Variants in MAGI1 observed in about 807,000 individuals in gnomAD.
The protein encoded by MAGI1 is membrane-associated guanylate kinase, WW and PDZ domain-containing protein 1.
In MAGI1, 58 loss-of-function variants were observed where a neutral mutation model predicts 139.9. That is an observed-to-expected ratio of 0.41 (90% confidence interval 0.34 to 0.52). MAGI1 has a LOEUF of 0.52. Ranked by LOEUF, MAGI1 falls within the 20% of genes least tolerant of loss-of-function variation. The pLI is 0.12. For missense variants in MAGI1, 1,874 were observed against 1,901.6 expected (o/e 0.99, Z 0.27); for synonymous variants, 812 against 737.9 (o/e 1.10, Z -1.63).
chr3:65,390,797 A>G (rs923892902), intron 14 of MAGI1, among the ~76,000 whole-genome samples: 2 of 152,256 alleles, frequency 1.3e-5, no homozygotes, highest in Admixed American at 6.5e-5. Context: ...GTTCTGTTGC[A>G]TATCAGATTT....
chr3:65,442,625 T>G (rs1205292785), intron 8 of MAGI1, among the ~76,000 whole-genome samples, 167 bp downstream of exon 8: 5 of 152,202 alleles, frequency 3.3e-5, no homozygotes, highest in African/African-American at 7.2e-5. Context: ...ATTTTCAGAT[T>G]TATTGAATAT....
chr3:65,896,082 C>T (rs1161504995), intron 1 of MAGI1, among the ~76,000 whole-genome samples: 2 of 152,236 alleles, frequency 1.3e-5, no homozygotes, highest in South Asian at 2.1e-4. Flanking sequence ...GCCTGGCTGA[C>T]ATGGGGAAGC....
chr3:65,566,060 C>A (rs1295295200), intron 2 of MAGI1, among the ~76,000 whole-genome samples: 4 of 151,848 alleles, frequency 2.6e-5, no homozygotes, highest in Non-Finnish European at 5.9e-5. Flanking sequence ...TCGAGACCAG[C>A]CTGGCCAATA....
At chr3:65,382,172 A>C (rs1383055257) in intron 15 of MAGI1, 103 bp from the exon 16 acceptor site, 4 of 973,460 alleles carry the variant, frequency 4.1e-6, no homozygotes, top group Middle Eastern at 2.3e-4. Flanking sequence ...TCATGTCTGC[A>C]GGCATGCCGC....
chr3:65,969,533 C>G (rs2064922176), intron 1 of MAGI1, among the ~76,000 whole-genome samples: 1 of 152,172 alleles, frequency 6.6e-6, no homozygotes, highest in East Asian at 1.9e-4. Context: ...TTCCCAAGTG[C>G]TGGGGAAGGA....
rs117344556 is a variant in MAGI1, at chr3:65,650,388, G to A, written c.314-28300C>T. Among the ~76,000 whole-genome samples, 125 of 152,258 alleles carry A rather than the reference G, an allele frequency of 8.2e-4. 1 individual carries two copies. In the East Asian group the frequency reaches 0.015, roughly 19 times the overall value. The stretch of plus-strand genomic sequence containing the variant: ...TGCCCACACAAAAACCTGTGCACAC[G>A]TGTTTTTAGGATAGATGGTTAAACA... On this transcript the variant is annotated intron_variant, in intron 1 of 22. Transcript: ENST00000402939.
rs757359782 is a variant in MAGI1, at chr3:65,430,068, T to A, written c.1619A>T (p.Gln540Leu). ...CACGCTGGCACCAATGGGGATGGAC[T>A]GGAAGATCTTCACAACTTGAGCATG... ...HTHAQVVKIFQSIPIGASVDL... is the reference protein window; with the variant it reads ...HTHAQVVKIFLSIPIGASVDL... Residue 540 changes from glutamine (Q) to leucine (L), a missense_variant, in exon 12 of 23, where the codon CAG becomes CTG. Around this residue, in one of 5 missense-constraint regions of MAGI1, gnomAD observed 86 missense variants for 130.0 expected, o/e 0.66. Coordinates refer to ENST00000402939, the MANE Select transcript of MAGI1 (RefSeq NM_001033057.2). The A allele has an allele frequency of 6.2e-7, 1 of 1,613,840 alleles. No homozygotes were observed.
chr3:65,806,297 T>C (rs2040849642), intron 1 of MAGI1, among the ~76,000 whole-genome samples: 1 of 151,634 alleles, frequency 6.6e-6, no homozygotes, highest in Non-Finnish European at 1.5e-5. Context: ...GGCATGGTAG[T>C]GTGCGCCTGT....
intron 1 of MAGI1, among the ~76,000 whole-genome samples, chr3:65,856,017 T>C (rs2059367752): frequency 6.6e-6 from 1 of 152,120 alleles, no homozygotes; most frequent in Non-Finnish European, 1.5e-5. Flanking sequence ...TTCTTGATGA[T>C]GGATGTATTT....
rs35532734 is a variant in MAGI1, at chr3:65,921,919, G to GACACAC, written c.313+116071_313+116076dup. On this transcript the variant is annotated intron_variant, in intron 1 of 22. Transcript: ENST00000402939. ...AGACCCTATCTCCAACCACACACAC[G>GACACAC]ACACACACACACACACACACACACA... is the stretch of plus-strand genomic sequence containing the variant. Among the ~76,000 whole-genome samples, 1,015 of 140,824 alleles carry GACACAC rather than the reference G, an allele frequency of 7.2e-3. 13 individuals are homozygous for GACACAC. The highest frequency in any genetic ancestry group is 0.019 in the East Asian group (92 of 4,744). The allele number at this position is 140,824 out of a possible 152,430, so 92.4% of individuals were successfully genotyped here. A position where few individuals can be genotyped will look rare whatever the true frequency, so the allele number is the denominator to read the frequency against.
intron 1 of MAGI1, among the ~76,000 whole-genome samples, chr3:65,803,520 G>C (rs1050353652): frequency 8.6e-5 from 13 of 152,026 alleles, no homozygotes; most frequent in African/African-American, 3.1e-4. Context: ...TCCATCATTT[G>C]AGCATGTCAG....
intron 1 of MAGI1, among the ~76,000 whole-genome samples, chr3:65,769,940 G>A (rs933044155): frequency 1.3e-5 from 2 of 152,124 alleles, no homozygotes; most frequent in Admixed American, 1.3e-4. Flanking sequence ...TCCAACTAAA[G>A]TCACAGTATC....
chr3:65,773,308 A>T (rs967113157), intron 1 of MAGI1, among the ~76,000 whole-genome samples: 1 of 151,678 alleles, frequency 6.6e-6, no homozygotes, highest in Non-Finnish European at 1.5e-5. Context: ...TGAGGCAGGA[A>T]GATCACTTGA....
rs371741989 is a variant in MAGI1 at position 65,913,126 on chromosome 3, T to C, written c.313+124870A>G. Among the ~76,000 whole-genome samples the C allele has an allele frequency of 2.1e-4, 32 of 152,116 alleles. No homozygotes were observed. The South Asian group carries it at 3.1e-3, about 15-fold the overall frequency. ...TACTACAAAAATTAGCCAGGCGTGGTGGTGCACACCTGTAATCCCAGATAC... is the reference window on the plus strand; with the variant it reads ...TACTACAAAAATTAGCCAGGCGTGGCGGTGCACACCTGTAATCCCAGATAC... On this transcript the variant is annotated intron_variant, in intron 1 of 22. Coordinates refer to ENST00000402939, the MANE Select transcript of MAGI1 (RefSeq NM_001033057.2).
intron 21 of MAGI1, among the ~76,000 whole-genome samples, chr3:65,362,380 A>C (rs1379087983): frequency 1.3e-5 from 2 of 152,202 alleles, no homozygotes; most frequent in Non-Finnish European, 2.9e-5. Flanking sequence ...AAAGTGATTA[A>C]AAGGCAAGGG....
rs770251864 is a variant in MAGI1 at position 65,901,496 on chromosome 3, G to C, written c.313+136500C>G. 4.5e-4 allele frequency among the ~76,000 whole-genome samples: 69 copies of C among 152,180 alleles called. 1 individual carries two copies. Among genetic ancestry groups the C allele is most frequent in the Non-Finnish European group, 8.2e-4 (56 of 68,046 alleles). ...AAACTCTGGCAAAACGCTGCAAAGG[G>C]GAAGCAATTGGAAGTTGGCTGAGAT... is the stretch of plus-strand genomic sequence containing the variant. On this transcript the variant is annotated intron_variant, in intron 1 of 22. Coordinates refer to ENST00000402939, the MANE Select transcript of MAGI1 (RefSeq NM_001033057.2).
At chr3:65,640,701 C>T (rs1443397863) in intron 1 of MAGI1, among the ~76,000 whole-genome samples, 2 of 152,208 alleles carry the variant, frequency 1.3e-5, no homozygotes, top group East Asian at 3.8e-4. Flanking sequence ...GTTGAATTCT[C>T]TTAACTTCCT....
chr3:65,855,797 G>C (rs2059361323), intron 1 of MAGI1, among the ~76,000 whole-genome samples: 1 of 151,644 alleles, frequency 6.6e-6, no homozygotes, highest in Non-Finnish European at 1.5e-5. Flanking sequence ...CTCTGGTGGG[G>C]AAAAGCACCA....
At chr3:65,851,671 C>A (rs548562383) in intron 1 of MAGI1, among the ~76,000 whole-genome samples, 1 of 152,180 alleles carries the variant, frequency 6.6e-6, no homozygotes, top group Admixed American at 6.6e-5. Context: ...ATCGCTTGAA[C>A]CCAGGAGGTA....
Sources: gnomAD v4.1 joint callset for allele counts (sites outside exome capture counted in the v4.1 genomes callset) on GRCh38, gnomAD v4.1.1 for gene constraint, gnomAD v4.1.1 regional missense constraint, MANE v1.5 for transcripts, NCBI Gene and HGNC (gene_info 2026-07-23, HGNC 2026-07-21) for gene names.